Variants in ZCCHC17 observed in about 807,000 individuals in gnomAD.
ZCCHC17 encodes zinc finger CCHC domain-containing protein 17.
Under a neutral mutation model 30.6 loss-of-function variants are expected in ZCCHC17, and 18 were observed. The ratio of observed to expected loss-of-function variants is 0.59; its 90% CI spans 0.41 to 0.87. The LOEUF is 0.87. Among genes scored for constraint, ZCCHC17 ranks in the 40% least tolerant of loss-of-function variants. The pLI, the probability that ZCCHC17 is intolerant of heterozygous loss-of-function variation, is 0.00. For synonymous variants in ZCCHC17, 88 were observed against 92.4 expected (o/e 0.95, Z 0.27); for missense variants, 263 against 284.2 (o/e 0.93, Z 0.54).
chr1:31,309,686 A>T (rs773508251), intron 1 of ZCCHC17, among the ~76,000 whole-genome samples: 3 of 152,146 alleles, frequency 2.0e-5, no homozygotes, highest in Non-Finnish European at 4.4e-5. Context: ...TGCTGCATTA[A>T]TGTTTTTATT....
rs930591514 is a variant in ZCCHC17 at position 31,311,231 on chromosome 1, A to C, written c.66+1067A>C. Reference sequence around the variant, plus strand: ...TGAGCCATTGTGCTTGGCCTAGAATAAGATTTTTAAAGTAGGTTGGACATG... The same window carrying C: ...TGAGCCATTGTGCTTGGCCTAGAATCAGATTTTTAAAGTAGGTTGGACATG... On this transcript the variant is annotated intron_variant, in intron 2 of 7. Transcript: ENST00000344147. Among the ~76,000 whole-genome samples the C allele has an allele frequency of 2.6e-5, 4 of 152,236 alleles. No homozygotes were observed. In the Middle Eastern group the frequency reaches 0.014, roughly 518 times the overall value.
At chr1:31,324,880 T>C (rs1345503003) in intron 3 of ZCCHC17, among the ~76,000 whole-genome samples, 1 of 145,242 alleles carries the variant, frequency 6.9e-6, no homozygotes, top group Non-Finnish European at 1.5e-5. Flanking sequence ...AAGCCGCACC[T>C]TCAAGCCAGG....
intron 1 of ZCCHC17, among the ~76,000 whole-genome samples, chr1:31,307,301 A>G (rs947211343): frequency 1.3e-5 from 2 of 152,034 alleles, no homozygotes; most frequent in African/African-American, 4.8e-5. Flanking sequence ...GGGGTTTCTT[A>G]GGCCACTGTT....
intron 1 of ZCCHC17, among the ~76,000 whole-genome samples, chr1:31,298,916 A>G (rs1646238607): frequency 6.6e-6 from 1 of 152,232 alleles, no homozygotes; most frequent in African/African-American, 2.4e-5. Context: ...CCTACAGGAG[A>G]TACAGAAGAA....
intron 3 of ZCCHC17, among the ~76,000 whole-genome samples, chr1:31,321,132 A>C (rs1246783038): frequency 6.6e-6 from 1 of 152,014 alleles, no homozygotes; most frequent in Admixed American, 6.6e-5. Context: ...CCCAAATCTC[A>C]TCTTGAATTG....
intron 7 of ZCCHC17, among the ~76,000 whole-genome samples, chr1:31,353,762 G>C (rs1183348637): frequency 1.3e-5 from 2 of 152,094 alleles, no homozygotes; most frequent in Non-Finnish European, 2.9e-5. Context: ...CCACTGAATG[G>C]TCTTGGCCCC....
intron 1 of ZCCHC17, among the ~76,000 whole-genome samples, chr1:31,304,988 T>G (rs565330522): frequency 6.6e-6 from 1 of 152,348 alleles, no homozygotes; most frequent in South Asian, 2.1e-4. Context: ...CAGAATACGT[T>G]GTTACAGTAG....
At chr1:31,338,674 A>G (rs1259466118) in intron 4 of ZCCHC17, among the ~76,000 whole-genome samples, 2 of 152,120 alleles carry the variant, frequency 1.3e-5, no homozygotes, top group South Asian at 2.1e-4. Flanking sequence ...TGGAAGAAAA[A>G]CTTTTATTTT....
chr1:31,363,914 C>T (rs1485447836), intron 7 of ZCCHC17, 118 bp from the exon 8 acceptor site: 35 of 1,429,644 alleles, frequency 2.4e-5, no homozygotes, highest in Non-Finnish European at 2.9e-5. Context: ...CCTCCCACCT[C>T]GGCTTCCCAA....
At chr1:31,336,521 A>G (rs1638823573) in intron 3 of ZCCHC17, among the ~76,000 whole-genome samples, 2 of 152,218 alleles carry the variant, frequency 1.3e-5, no homozygotes, top group African/African-American at 4.8e-5. Context: ...TTTTTAAAAT[A>G]AGATTTACAA....
At chr1:31,343,373 A>G (rs1411061252) in intron 5 of ZCCHC17, among the ~76,000 whole-genome samples, 1 of 152,122 alleles carries the variant, frequency 6.6e-6, no homozygotes, top group South Asian at 2.1e-4. Flanking sequence ...GAATTTTTTT[A>G]AAAAAGCCTT....
intron 1 of ZCCHC17, among the ~76,000 whole-genome samples, chr1:31,298,053 G>C (rs1324530209): frequency 1.3e-5 from 2 of 152,248 alleles, no homozygotes; most frequent in Non-Finnish European, 2.9e-5. Flanking sequence ...GATCCCTCAG[G>C]CTCAGTGGTG....
In ZCCHC17 at chr1:31,364,462, T is replaced by G; in HGVS notation, c.*269T>G. On this transcript the variant is annotated 3_prime_UTR_variant, in exon 8 of 8. Coordinates refer to ENST00000344147, the MANE Select transcript of ZCCHC17 (RefSeq NM_016505.4). Reference sequence around the variant, plus strand: ...CATTCATTCACCCAACTTCCTTCATTCAGCAGGAGGTCCTATTACCCTCTC... The same window carrying G: ...CATTCATTCACCCAACTTCCTTCATGCAGCAGGAGGTCCTATTACCCTCTC... 1 of 506,624 alleles carries G rather than the reference T, an allele frequency of 2.0e-6. No homozygotes were observed. The highest frequency in any genetic ancestry group is 3.8e-5 in the South Asian group (1 of 26,564). The allele number at this position is 506,624 out of a possible 1,614,324, so 31.4% of individuals were successfully genotyped here. A position where few individuals can be genotyped will look rare whatever the true frequency, so the allele number is the denominator to read the frequency against.
Position 31,318,309 on chromosome 1 carries a change from C to T in ZCCHC17, c.67-800C>T, listed in dbSNP as rs549144891. ...AATTCAGCATATAGTGACAACATTACCCTCGATCCACAGGTTGGGGGATGG... is the reference window on the plus strand; with the variant it reads ...AATTCAGCATATAGTGACAACATTATCCTCGATCCACAGGTTGGGGGATGG... On this transcript the variant is annotated intron_variant, in intron 2 of 7. Transcript: ENST00000344147. 2.9e-4 allele frequency: 367 copies of T among 1,276,130 alleles called. 1 individual carries two copies. The highest frequency in any genetic ancestry group is 3.6e-4 in the Non-Finnish European group (331 of 922,374). The allele number at this position is 1,276,130 out of a possible 1,614,324, so 79.1% of individuals were successfully genotyped here.
rs142835777 is a variant in ZCCHC17 at position 31,341,082 on chromosome 1, G to A, written c.317+2034G>A. ...TGTGGTTACATAGAAAATTATCAGG[G>A]ACTCAAAACTCAGTCTCTCTGACCT... On this transcript the variant is annotated intron_variant, in intron 5 of 7. Transcript: ENST00000344147. Among the ~76,000 whole-genome samples the A allele has an allele frequency of 3.3e-3, 500 of 152,186 alleles. 2 individuals carry two copies. Among genetic ancestry groups the A allele is most frequent in the African/African-American group, 0.011 (467 of 41,504 alleles).
intron 7 of ZCCHC17, among the ~76,000 whole-genome samples, chr1:31,358,779 A>G (rs1639745946): frequency 6.6e-6 from 1 of 152,124 alleles, no homozygotes; most frequent in Admixed American, 6.5e-5. Flanking sequence ...TAGACAGTGG[A>G]TATATAGTTT....
At chr1:31,354,040 G>A (rs945004907) in intron 7 of ZCCHC17, among the ~76,000 whole-genome samples, 2 of 152,172 alleles carry the variant, frequency 1.3e-5, no homozygotes, top group Non-Finnish European at 2.9e-5. Flanking sequence ...GCTTTGGATA[G>A]TATGGACATT....
intron 7 of ZCCHC17, among the ~76,000 whole-genome samples, chr1:31,357,529 C>CA (rs1417012371): frequency 6.6e-6 from 1 of 152,122 alleles, no homozygotes; most frequent in Admixed American, 6.6e-5. Context: ...AAGTAGTGAA[C>CA]AAAACAGGTA....
intron 2 of ZCCHC17, among the ~76,000 whole-genome samples, chr1:31,313,336 A>G (rs1646652516): frequency 1.3e-5 from 2 of 152,094 alleles, no homozygotes; most frequent in South Asian, 4.1e-4. Context: ...AGCCTCCCAA[A>G]GTGCTGGGAT....
Sources: gnomAD v4.1 joint callset for allele counts (sites outside exome capture counted in the v4.1 genomes callset) on GRCh38, gnomAD v4.1.1 for gene constraint, MANE v1.5 for transcripts, NCBI Gene and HGNC (gene_info 2026-07-23, HGNC 2026-07-21) for gene names.